Variants in TECTA observed in about 807,000 individuals in gnomAD.
TECTA encodes tectorin alpha.
Under a neutral mutation model 216.8 loss-of-function variants are expected in TECTA, and 128 were observed. That is an observed-to-expected ratio of 0.59 (90% CI 0.51 to 0.68). The LOEUF (loss-of-function observed/expected upper bound fraction) is 0.68. Ranked by LOEUF, TECTA falls within the 30% of genes least tolerant of loss-of-function variation. The pLI is 0.00. For missense variants in TECTA, 2,551 were observed against 2,786.2 expected (o/e 0.92, Z 1.90); for synonymous variants, 1,089 against 1,117.1 (o/e 0.97, Z 0.50).
intron 13 of TECTA, among the ~76,000 whole-genome samples, chr11:121,157,265 T>A (rs1946950674): frequency 6.6e-6 from 1 of 152,186 alleles, no homozygotes; most frequent in Non-Finnish European, 1.5e-5. Flanking sequence ...TGACTGTGAT[T>A]AGTTCTACAA....
At chr11:121,174,923 G>T (rs1024849525) in intron 20 of TECTA, among the ~76,000 whole-genome samples, 2 of 152,092 alleles carry the variant, frequency 1.3e-5, no homozygotes, top group African/African-American at 4.8e-5. Flanking sequence ...GTCTTGGGAG[G>T]GTGTATGTGT....
At chr11:121,148,807 T>C (rs1946863949) in intron 12 of TECTA, among the ~76,000 whole-genome samples, 1 of 152,260 alleles carries the variant, frequency 6.6e-6, no homozygotes, top group Non-Finnish European at 1.5e-5. Flanking sequence ...AATTACCTTA[T>C]TTGTAAACTC....
intron 20 of TECTA, 25 bp from the exon 21 acceptor site, chr11:121,187,807 A>C (rs1195000530): frequency 1.9e-6 from 3 of 1,614,102 alleles, no homozygotes; most frequent in Non-Finnish European, 2.5e-6. Flanking sequence ...TGTGAAGCAA[A>C]GATTCCATTA....
chr11:121,114,376 G>A (rs1026316459), intron 6 of TECTA, among the ~76,000 whole-genome samples: 1 of 152,094 alleles, frequency 6.6e-6, no homozygotes, highest in East Asian at 1.9e-4. Context: ...CTGAACTATC[G>A]AACCCCTTTA....
At chr11:121,126,465 T>C (rs1946613446) in intron 8 of TECTA, among the ~76,000 whole-genome samples, 1 of 152,248 alleles carries the variant, frequency 6.6e-6, no homozygotes, top group South Asian at 2.1e-4. Context: ...CACTTTTGGA[T>C]TAAGCATTTT....
At chr11:121,161,300 A>G (rs1402983251) in intron 15 of TECTA, among the ~76,000 whole-genome samples, 2 of 152,114 alleles carry the variant, frequency 1.3e-5, no homozygotes, top group Non-Finnish European at 2.9e-5. Flanking sequence ...AATGACTTAC[A>G]TGAGGAGGCC....
intron 9 of TECTA, 60 bp downstream of exon 9, chr11:121,128,404 G>C: frequency 6.6e-7 from 1 of 1,526,480 alleles, no homozygotes. Context: ...GGAGGAGCTC[G>C]CCATCCTCTT....
rs373248083 is a variant in TECTA, at chr11:121,105,846, T to C, written c.80T>C (p.Leu27Pro). ...CTCTTGACAGCTCAGCCCAGGGAGC[T>C]CATGTATCCATTTTGGCAGAATGAC... ...LVQHQAQPRE[L>P]MYPFWQNDTK... is the part of the protein sequence containing the mutation. The change falls in exon 3 of 24, where the codon CTC (leucine) becomes CCC (proline). Residue 27 changes from leucine to proline, a missense_variant. Leu to Pro is a moderately conservative substitution (Grantham distance 98). This residue lies in a region of TECTA where 2,375 missense variants were observed against 2,563.9 expected (regional missense o/e 0.93). Coordinates refer to ENST00000392793, the MANE Select transcript of TECTA (RefSeq NM_005422.4). This position sits in a 1 kb window ranked among gnomAD's most constrained non-coding sequence, Gnocchi z 5.3. 2.0e-5 allele frequency: 33 copies of C among 1,614,006 alleles called. No individual in the cohort carries two copies. The highest frequency in any genetic ancestry group is 3.3e-5 in the Admixed American group (2 of 60,008).
At chr11:121,146,858 A>G (rs1055999508) in intron 12 of TECTA, among the ~76,000 whole-genome samples, 6 of 152,352 alleles carry the variant, frequency 3.9e-5, no homozygotes, top group South Asian at 2.1e-4. Context: ...TAAACGTTTT[A>G]TCAATATACC....
In TECTA at chr11:121,168,064, C is replaced by G. The variant is rs140236996; in HGVS notation, c.5597C>G (p.Thr1866Arg). The G allele has an allele frequency of 1.2e-6, 2 of 1,614,132 alleles. No homozygotes were observed. Among genetic ancestry groups the G allele is most frequent in the Non-Finnish European group, 1.7e-6 (2 of 1,179,998 alleles). ...NCGNIVQSNGTHIMYKNTLWI... is the reference protein window; with the variant it reads ...NCGNIVQSNGRHIMYKNTLWI... ...CCCCTTGTTCTGCAGTCCAATGGCA[C>G]GCATATCATGTATAAAAACACACTC... Residue 1866 changes from threonine to arginine, a missense_variant, in exon 19 of 24, where the codon ACG (threonine) becomes AGG (arginine). This residue lies in a region of TECTA where 2,375 missense variants were observed against 2,563.9 expected (regional missense o/e 0.93). Coordinates refer to ENST00000392793, the MANE Select transcript of TECTA (RefSeq NM_005422.4).
chr11:121,118,505 C>A lies in TECTA; in HGVS notation c.990C>A (p.Tyr330Ter), dbSNP rs1489889585. The change falls in exon 7 of 24, where the codon TAC (tyrosine) becomes TAA (stop). Residue 330 changes from tyrosine to a stop codon, truncating the protein, a stop_gained. Transcript: ENST00000392793. LOFTEE classifies it high-confidence loss of function. ...STCVVFGEPH[Y>*]HTFDGFLFHF... ...GCGTGGTGTTTGGGGAGCCACACTACCACACTTTTGACGGCTTCCTCTTCC... is the reference window on the plus strand; with the variant it reads ...GCGTGGTGTTTGGGGAGCCACACTAACACACTTTTGACGGCTTCCTCTTCC... 2 of 1,614,176 alleles carry A rather than the reference C, an allele frequency of 1.2e-6. No individual in the cohort carries two copies. The highest frequency in any genetic ancestry group is 4.5e-5 in the East Asian group (2 of 44,884).
At chr11:121,112,271 A>C (rs911227492) in intron 4 of TECTA, among the ~76,000 whole-genome samples, 2 of 152,208 alleles carry the variant, frequency 1.3e-5, no homozygotes, top group Non-Finnish European at 2.9e-5. Flanking sequence ...TAAAATGAAG[A>C]CAGCATGGAA....
At position 121,166,700 on chromosome 11, in the gene TECTA, C is replaced by G. The variant is rs771584374; in HGVS notation, c.5506C>G (p.Gln1836Glu). The G allele has an allele frequency of 6.2e-7, 1 of 1,614,178 alleles. No homozygotes were observed. Among genetic ancestry groups the G allele is most frequent in the South Asian group, 1.1e-5 (1 of 91,084 alleles). The change falls in exon 18 of 24, where the codon CAG becomes GAG. Residue 1836 changes from glutamine to glutamate, a missense_variant. Coordinates refer to ENST00000392793, the MANE Select transcript of TECTA (RefSeq NM_005422.4). The part of the protein sequence containing the change: ...EREGVRINDR[Q>E]CTGIEGEDFI... ...GGAGGGCGTGAGGATCAATGACAGACAGTGCACCGGCATCGAGGGGGAAGA... is the reference window on the plus strand; with the variant it reads ...GGAGGGCGTGAGGATCAATGACAGAGAGTGCACCGGCATCGAGGGGGAAGA...
At chr11:121,179,875 C>T (rs1947207663) in intron 20 of TECTA, among the ~76,000 whole-genome samples, 1 of 151,386 alleles carries the variant, frequency 6.6e-6, no homozygotes, top group Non-Finnish European at 1.5e-5. Flanking sequence ...CACAAATTAT[C>T]TTTTTCCATC....
At chr11:121,112,124 A>C (rs1032574890) in intron 4 of TECTA, among the ~76,000 whole-genome samples, 24 of 152,228 alleles carry the variant, frequency 1.6e-4, no homozygotes, top group African/African-American at 5.5e-4. Flanking sequence ...ATTTCTATTA[A>C]ATTTTTTGAA....
At chr11:121,126,144 G>A (rs1946610186) in intron 8 of TECTA, among the ~76,000 whole-genome samples, 2 of 152,336 alleles carry the variant, frequency 1.3e-5, no homozygotes, top group South Asian at 2.1e-4. Context: ...GGGGACGGCA[G>A]CTCCAGAGTT....
rs754213928 is a variant in TECTA at position 121,165,372 on chromosome 11, C to T, written c.5372C>T (p.Pro1791Leu). ...CTGTGTGGCTGCATCGAGCCACCCC[C>T]CTATGGAAATAGTGAGTGACATGGG... The part of the protein sequence containing the change: ...RELCGCIEPP[P>L]YGNNSHDIID... The change falls in exon 17 of 24, where the codon CCC (proline) becomes CTC (leucine). Residue 1791 changes from proline (P) to leucine (L), a missense_variant. Pro to Leu is a moderately conservative substitution (Grantham distance 98). Around this residue, in one of 3 missense-constraint regions of TECTA, gnomAD observed 2,375 missense variants for 2,563.9 expected, o/e 0.93. Coordinates refer to ENST00000392793, the MANE Select transcript of TECTA (RefSeq NM_005422.4). 3.1e-6 allele frequency: 5 copies of T among 1,589,402 alleles called. No homozygotes were observed. Among genetic ancestry groups the T allele is most frequent in the Admixed American group, 1.8e-5 (1 of 56,786 alleles).
intron 7 of TECTA, among the ~76,000 whole-genome samples, chr11:121,121,081 G>A (rs1946553849): frequency 6.6e-6 from 1 of 152,202 alleles, no homozygotes; most frequent in Non-Finnish European, 1.5e-5. Flanking sequence ...GAGGGGTCAG[G>A]CTCTGTCACT....
At chr11:121,184,613 C>G (rs1947262532) in intron 20 of TECTA, among the ~76,000 whole-genome samples, 1 of 152,194 alleles carries the variant, frequency 6.6e-6, no homozygotes. Flanking sequence ...TAGACATTCA[C>G]TAGTTTGCAG....
Sources: gnomAD v4.1 joint callset for allele counts (sites outside exome capture counted in the v4.1 genomes callset) on GRCh38, gnomAD v4.1.1 for gene constraint, gnomAD v4.1.1 regional missense constraint, Gnocchi (gnomAD v3.1) non-coding constraint, MANE v1.5 for transcripts, NCBI Gene and HGNC (gene_info 2026-07-23, HGNC 2026-07-21) for gene names.